MAP2K4: variants seen among roughly 807,000 people sequenced by gnomAD.
The protein encoded by MAP2K4 is mitogen-activated protein kinase kinase 4.
A neutral mutation model predicts 48.5 loss-of-function variants in MAP2K4; 4 were observed. That is an observed-to-expected ratio of 0.08 (90% CI 0.04 to 0.19). The LOEUF is 0.19. Among genes scored for constraint, MAP2K4 ranks in the 10% least tolerant of loss-of-function variants. MAP2K4 has a pLI of 1.00. For synonymous variants in MAP2K4, 166 were observed against 173.1 expected, an observed-to-expected ratio of 0.96 and a Z score of 0.32; for missense variants, 258 against 493.3, an observed-to-expected ratio of 0.52 and a Z score of 4.52.
rs990939743 is a variant in MAP2K4 at position 12,142,444 on chromosome 17, A to G, written c.*1184A>G. The G allele has an allele frequency of 1.6e-4, 38 of 232,866 alleles. No individual in the cohort carries two copies. The highest frequency in any genetic ancestry group is 6.6e-4 in the African/African-American group (30 of 45,298). 14.4% of individuals were successfully genotyped at this position (232,866 alleles called of 1,614,324 possible). A position where few individuals can be genotyped will look rare whatever the true frequency, so the allele number is the denominator to read the frequency against. The stretch of plus-strand genomic sequence containing the variant: ...TTTTGCCTTTTTTCTATATCAAAAA[A>G]CCTTTACAGTTAGCAGGGATGTTCC... On this transcript the variant is annotated 3_prime_UTR_variant, in exon 11 of 11. Transcript: ENST00000353533.
rs1973448747 is a variant in MAP2K4, at chr17:12,143,794, C to T, written c.*2534C>T. ...GAGGGGAAAATCTTAAAGTAAATTA[C>T]ATTAAATTATCTGTGCATTTCACAC... On this transcript the variant is annotated 3_prime_UTR_variant, in exon 11 of 11. Transcript: ENST00000353533. 2 of 226,790 alleles carry T rather than the reference C, an allele frequency of 8.8e-6. No homozygotes were observed. The highest frequency in any genetic ancestry group is 3.7e-4 in the South Asian group (2 of 5,466). 14.0% of individuals were successfully genotyped at this position (226,790 alleles called of 1,614,324 possible).
chr17:12,095,466 G>T, intron 3 of MAP2K4, 109 bp from the exon 4 acceptor site: 1 of 1,127,614 alleles, frequency 8.9e-7, no homozygotes, highest in Admixed American at 1.9e-5. Flanking sequence ...TGTGAAGTTT[G>T]GTAATTTTTA....
chr17:12,083,176 G>A (rs1453994718), intron 3 of MAP2K4, among the ~76,000 whole-genome samples: 1 of 152,198 alleles, frequency 6.6e-6, no homozygotes, highest in Non-Finnish European at 1.5e-5. Context: ...TAGTAATATG[G>A]ATTGATTTTA....
At chr17:12,089,720 C>A (rs1337026108) in intron 3 of MAP2K4, among the ~76,000 whole-genome samples, 1 of 152,154 alleles carries the variant, frequency 6.6e-6, no homozygotes, top group East Asian at 1.9e-4. Context: ...ATACAAACAC[C>A]TGACAAGAAT....
At position 12,053,219 on chromosome 17, in the gene MAP2K4, GT is replaced by G. The variant is rs370181067; in HGVS notation, c.116-1665del. ...TATATTGCTGAACCTCTCACAGAAA[GT>G]TTTTCTACCAGCAATATATCTTATT... On this transcript the variant is annotated intron_variant, in intron 1 of 10. Transcript: ENST00000353533. 2.3e-3 allele frequency among the ~76,000 whole-genome samples: 346 copies of G among 152,008 alleles called. 1 individual carries two copies. The highest frequency in any genetic ancestry group is 8.0e-3 in the African/African-American group (331 of 41,470).
At chr17:12,060,671 A>T (rs1970419684) in intron 2 of MAP2K4, among the ~76,000 whole-genome samples, 1 of 152,074 alleles carries the variant, frequency 6.6e-6, no homozygotes, top group Non-Finnish European at 1.5e-5. Flanking sequence ...TGGTAGAAGT[A>T]TTTATGGGTA....
intron 1 of MAP2K4, among the ~76,000 whole-genome samples, chr17:12,045,988 A>G (rs565317907): frequency 1.1e-4 from 17 of 152,310 alleles, no homozygotes; most frequent in Non-Finnish European, 2.1e-4. Flanking sequence ...CTATGCTGCA[A>G]ATGTTTCCTC....
intron 3 of MAP2K4, among the ~76,000 whole-genome samples, chr17:12,089,625 G>C (rs753254288): frequency 1.3e-5 from 2 of 152,132 alleles, no homozygotes; most frequent in Non-Finnish European, 2.9e-5. Context: ...AGCAGCTACA[G>C]GTGTACCTGT....
chr17:12,023,752 TG>T (rs1243534367), intron 1 of MAP2K4, among the ~76,000 whole-genome samples: 1 of 152,180 alleles, frequency 6.6e-6, no homozygotes, highest in Non-Finnish European at 1.5e-5. Context: ...TCTGGAGTTC[TG>T]GGTTTGAATC....
intron 3 of MAP2K4, among the ~76,000 whole-genome samples, chr17:12,082,905 TA>T (rs1405770099): frequency 1.3e-5 from 2 of 152,254 alleles, no homozygotes; most frequent in African/African-American, 2.4e-5. Context: ...TCTGTATTCC[TA>T]TTTTGTGCCA....
At chr17:12,116,816 G>A (rs1308188999) in intron 7 of MAP2K4, among the ~76,000 whole-genome samples, 1 of 152,090 alleles carries the variant, frequency 6.6e-6, no homozygotes, top group Non-Finnish European at 1.5e-5. Flanking sequence ...AGAAGCTGTT[G>A]ATAACTTTTT....
intron 6 of MAP2K4, among the ~76,000 whole-genome samples, chr17:12,112,531 C>T (rs986586024): frequency 2.0e-5 from 3 of 148,034 alleles, no homozygotes; most frequent in Admixed American, 6.8e-5. Context: ...ACAGCTGTTT[C>T]GGTCATGGTA....
At chr17:12,060,169 T>TA (rs78476666) in intron 2 of MAP2K4, among the ~76,000 whole-genome samples, 1,512 of 144,074 alleles carry the variant, frequency 0.01, 23 homozygotes, top group African/African-American at 0.031. Flanking sequence ...CTGTCTCTAT[T>TA]AAAAAAAAAA....
intron 1 of MAP2K4, among the ~76,000 whole-genome samples, chr17:12,046,683 A>G (rs866232313): frequency 1.3e-5 from 2 of 152,170 alleles, no homozygotes; most frequent in Admixed American, 1.3e-4. Flanking sequence ...ATTATAATCA[A>G]TGGCATTGGT....
intron 7 of MAP2K4, among the ~76,000 whole-genome samples, chr17:12,123,356 T>C (rs185014841): frequency 5.3e-5 from 8 of 152,338 alleles, no homozygotes; most frequent in African/African-American, 1.9e-4. Flanking sequence ...TATTTCTGTT[T>C]CATCTATTTC....
chr17:12,114,521 G>A (rs150862403), intron 7 of MAP2K4, among the ~76,000 whole-genome samples: 246 of 152,060 alleles, frequency 1.6e-3, no homozygotes, highest in Non-Finnish European at 2.7e-3. Flanking sequence ...TTTGTTTATC[G>A]TGATAACTAG....
At chr17:12,053,173 C>G (rs1017529696) in intron 1 of MAP2K4, among the ~76,000 whole-genome samples, 1 of 151,984 alleles carries the variant, frequency 6.6e-6, no homozygotes, top group African/African-American at 2.4e-5. Context: ...AGCATATTTA[C>G]TAAAAAAACC....
intron 7 of MAP2K4, among the ~76,000 whole-genome samples, chr17:12,115,350 T>C (rs1597482406): frequency 6.6e-6 from 1 of 152,154 alleles, no homozygotes; most frequent in East Asian, 1.9e-4. Flanking sequence ...TACACAAACC[T>C]AGATGGTATA....
At chr17:12,042,039 G>C (rs1186776775) in intron 1 of MAP2K4, among the ~76,000 whole-genome samples, 1 of 151,788 alleles carries the variant, frequency 6.6e-6, no homozygotes, top group African/African-American at 2.4e-5. Context: ...AAATTAGCCG[G>C]GTGTGGTGGC....
Sources: allele counts gnomAD v4.1 joint callset (sites outside exome capture counted in the v4.1 genomes callset), GRCh38; gene constraint gnomAD v4.1.1; transcripts MANE v1.5; gene names NCBI Gene and HGNC (gene_info 2026-07-23, HGNC 2026-07-21).